CFAP299: variants seen among roughly 807,000 people sequenced by gnomAD.
CFAP299 encodes cilia- and flagella-associated protein 299.
A neutral mutation model predicts 27.0 loss-of-function variants in CFAP299; 21 were observed. The ratio of observed to expected loss-of-function variants is 0.78; its 90% CI spans 0.55 to 1.12. The LOEUF (loss-of-function observed/expected upper bound fraction) is 1.12. CFAP299 is among the 50% of genes most tolerant of loss of function. The pLI, the probability that CFAP299 is intolerant of heterozygous loss-of-function variation, is 0.00. For missense variants in CFAP299, 310 were observed against 276.6 expected, an observed-to-expected ratio of 1.12 and a Z score of -0.86; for synonymous variants, 104 against 98.1, an observed-to-expected ratio of 1.06 and a Z score of -0.36.
In CFAP299 at chr4:80,879,597, G is replaced by A. The variant is rs957692143; in HGVS notation, c.476+9462G>A. 3.9e-5 allele frequency among the ~76,000 whole-genome samples: 6 copies of A among 151,960 alleles called. No homozygotes were observed. In the East Asian group the frequency reaches 9.7e-4, roughly 24 times the overall value. The stretch of plus-strand genomic sequence containing the variant: ...GTATTTTCATTTGTTTTTAACACTC[G>A]GCATTTTTACTTTCAATCGAAATTT... On this transcript the variant is annotated intron_variant, in intron 4 of 5. Transcript: ENST00000358105.
chr4:80,509,861 T>C (rs908654051), intron 2 of CFAP299, among the ~76,000 whole-genome samples: 5 of 93,286 alleles, frequency 5.4e-5, no homozygotes, highest in African/African-American at 2.0e-4. Context: ...TGCTGCCAGA[T>C]TTTTTTTTTT....
intron 2 of CFAP299, among the ~76,000 whole-genome samples, chr4:80,463,152 AT>A (rs35437423): frequency 0.39 from 58,158 of 150,528 alleles, 12,402 homozygotes; most frequent in African/African-American, 0.57. Context: ...AAATAAAATG[AT>A]TTTTTTTTTT....
At chr4:80,495,705 G>A (rs1731400220) in intron 2 of CFAP299, among the ~76,000 whole-genome samples, 1 of 152,200 alleles carries the variant, frequency 6.6e-6, no homozygotes, top group Admixed American at 6.5e-5. Flanking sequence ...AAATACCCAA[G>A]ACCGGGCAAT....
chr4:80,951,869 A>C (rs1737795858), intron 5 of CFAP299, among the ~76,000 whole-genome samples: 1 of 152,222 alleles, frequency 6.6e-6, no homozygotes, highest in Non-Finnish European at 1.5e-5. Context: ...AGGACTGCAC[A>C]GACTAGAAAG....
At chr4:80,741,755 A>T (rs991938821) in intron 3 of CFAP299, among the ~76,000 whole-genome samples, 7 of 152,066 alleles carry the variant, frequency 4.6e-5, no homozygotes, top group Non-Finnish European at 1.0e-4. Flanking sequence ...TAGCACAAGG[A>T]ATTGCCTAGA....
chr4:80,326,164 G>A, the CFAP299 span, among the ~76,000 whole-genome samples: 3 of 152,072 alleles, frequency 2.0e-5, no homozygotes, highest in East Asian at 5.8e-4. Context: ...AGGTGTATGT[G>A]TTGTGTTCTT....
intron 2 of CFAP299, among the ~76,000 whole-genome samples, chr4:80,455,165 C>T (rs906326196): frequency 5.9e-5 from 9 of 152,174 alleles, no homozygotes; most frequent in Non-Finnish European, 1.2e-4. Context: ...ATTTCTTAGG[C>T]TTTCAAAGGC....
chr4:80,333,323 G>C (rs892720846), upstream of CFAP299, among the ~76,000 whole-genome samples: 2 of 152,278 alleles, frequency 1.3e-5, no homozygotes, highest in South Asian at 4.1e-4. Flanking sequence ...TGATGATTAA[G>C]CAATAGCCCT....
intron 2 of CFAP299, among the ~76,000 whole-genome samples, chr4:80,469,340 T>C (rs1487056972): frequency 6.6e-6 from 1 of 152,190 alleles, no homozygotes; most frequent in Non-Finnish European, 1.5e-5. Flanking sequence ...AAAGTGAAAG[T>C]GGGTTTAGGA....
intron 4 of CFAP299, among the ~76,000 whole-genome samples, chr4:80,939,042 G>T (rs1398452334): frequency 6.6e-6 from 1 of 152,058 alleles, no homozygotes; most frequent in Non-Finnish European, 1.5e-5. Context: ...TATTATTTGG[G>T]GAGAGGGGAA....
intron 3 of CFAP299, among the ~76,000 whole-genome samples, chr4:80,678,577 A>C (rs1719626217): frequency 6.6e-6 from 1 of 152,050 alleles, no homozygotes; most frequent in African/African-American, 2.4e-5. Context: ...CCATTTTCAC[A>C]CACCTAATGA....
At chr4:80,684,675 CTTT>C (rs34231823) in intron 3 of CFAP299, among the ~76,000 whole-genome samples, 5 of 151,758 alleles carry the variant, frequency 3.3e-5, no homozygotes, top group Non-Finnish European at 5.9e-5. Flanking sequence ...GTTCTAAAAT[CTTT>C]TTTTTGTTGT....
chr4:80,636,682 G>C (rs1739477980), intron 3 of CFAP299, among the ~76,000 whole-genome samples: 1 of 152,190 alleles, frequency 6.6e-6, no homozygotes, highest in African/African-American at 2.4e-5. Flanking sequence ...GACTGAGATA[G>C]AGCAGGAGCT....
At chr4:80,639,321 C>G (rs184779920) in intron 3 of CFAP299, among the ~76,000 whole-genome samples, 1 of 152,082 alleles carries the variant, frequency 6.6e-6, no homozygotes, top group Non-Finnish European at 1.5e-5. Context: ...CTGCAGTGTC[C>G]GCTCTTCACC....
In CFAP299 at chr4:80,652,832, G is replaced by A. The variant is rs113155266; in HGVS notation, c.333+69649G>A. 2.5e-3 allele frequency among the ~76,000 whole-genome samples: 376 copies of A among 152,042 alleles called. 1 individual carries two copies. The highest frequency in any genetic ancestry group is 8.4e-3 in the African/African-American group (349 of 41,476). ...ATATCCTAGGGAAGTTCTCCCCAGC[G>A]TCATACAAATAAACTTGAGTTCTCA... is the stretch of plus-strand genomic sequence containing the variant. On this transcript the variant is annotated intron_variant, in intron 3 of 5. Coordinates refer to ENST00000358105, the MANE Select transcript of CFAP299 (RefSeq NM_152770.3).
At chr4:80,789,898 T>A (rs1457944532) in intron 3 of CFAP299, among the ~76,000 whole-genome samples, 1 of 152,012 alleles carries the variant, frequency 6.6e-6, no homozygotes, top group Non-Finnish European at 1.5e-5. Flanking sequence ...CTTAAACAAA[T>A]GAAATATGTC....
chr4:80,757,327 T>G (rs968751787), intron 3 of CFAP299, among the ~76,000 whole-genome samples: 1 of 152,172 alleles, frequency 6.6e-6, no homozygotes, highest in Non-Finnish European at 1.5e-5. Context: ...CAAAAGATTG[T>G]TTAATATTCA....
chr4:80,857,562 T>C (rs1057364803), intron 3 of CFAP299, among the ~76,000 whole-genome samples: 1 of 152,218 alleles, frequency 6.6e-6, no homozygotes, highest in Non-Finnish European at 1.5e-5. Flanking sequence ...TAGCTGTTAT[T>C]ATTTTGAGAT....
intron 3 of CFAP299, among the ~76,000 whole-genome samples, chr4:80,620,388 G>T (rs1203363889): frequency 6.6e-6 from 1 of 152,144 alleles, no homozygotes; most frequent in Non-Finnish European, 1.5e-5. Context: ...GCTGACAAGG[G>T]AATGACCATG....
Sources: gnomAD v4.1 joint callset for allele counts (sites outside exome capture counted in the v4.1 genomes callset) on GRCh38, gnomAD v4.1.1 for gene constraint, MANE v1.5 for transcripts, NCBI Gene and HGNC (gene_info 2026-07-23, HGNC 2026-07-21) for gene names.